The following PARD3 variants were observed in gnomAD, a reference collection of about 807,000 sequenced individuals.
The protein encoded by PARD3 is partitioning defective 3 homolog.
In PARD3, 75 loss-of-function variants were observed where a neutral mutation model predicts 155.4. That is an observed-to-expected ratio of 0.48 (90% CI 0.40 to 0.58). The LOEUF is 0.58. Among genes scored for constraint, PARD3 ranks in the 20% least tolerant of loss-of-function variants. The pLI, the probability that PARD3 is intolerant of heterozygous loss-of-function variation, is 0.00. For missense variants in PARD3, 1,642 were observed against 1,721.7 expected, an observed-to-expected ratio of 0.95 and a Z score of 0.82; for synonymous variants, 576 against 610.5, an observed-to-expected ratio of 0.94 and a Z score of 0.83.
At chr10:34,813,750 A>C (rs1844518696) in intron 1 of PARD3, among the ~76,000 whole-genome samples, 1 of 152,224 alleles carries the variant, frequency 6.6e-6, no homozygotes, top group Non-Finnish European at 1.5e-5. Flanking sequence ...TGACCAAGCC[A>C]CTTTCCAACG....
At chr10:34,706,621 C>T (rs541463349) in intron 1 of PARD3, among the ~76,000 whole-genome samples, 46 of 152,038 alleles carry the variant, frequency 3.0e-4, no homozygotes, top group African/African-American at 9.9e-4. Context: ...CTTAGCTGGA[C>T]GTGGTGGCAG....
At chr10:34,622,827 CTTTTTTTTT>C (rs567045063) in intron 2 of PARD3, among the ~76,000 whole-genome samples, 1 of 113,456 alleles carries the variant, frequency 8.8e-6, no homozygotes, top group Non-Finnish European at 1.9e-5. Context: ...TTCTTTTTTT[CTTTTTTTTT>C]TTTTTTTTTA....
At chr10:34,707,910 T>C (rs1272994219) in intron 1 of PARD3, among the ~76,000 whole-genome samples, 1 of 152,190 alleles carries the variant, frequency 6.6e-6, no homozygotes, top group Non-Finnish European at 1.5e-5. Flanking sequence ...TCCAAGGAGC[T>C]TGTTTTAAAA....
intron 20 of PARD3, among the ~76,000 whole-genome samples, chr10:34,297,839 A>G (rs981034536): frequency 6.6e-6 from 1 of 152,228 alleles, no homozygotes; most frequent in African/African-American, 2.4e-5. Flanking sequence ...TCTCCTTACT[A>G]GTAAAACCCT....
intron 20 of PARD3, among the ~76,000 whole-genome samples, chr10:34,303,622 G>GT (rs372510801): frequency 0.13 from 20,027 of 148,596 alleles, 1,518 homozygotes; most frequent in African/African-American, 0.21. Flanking sequence ...TCGATAAGAT[G>GT]TTTTTTTTTT....
chr10:34,721,920 G>A (rs1390064123), intron 1 of PARD3, among the ~76,000 whole-genome samples: 1 of 152,222 alleles, frequency 6.6e-6, no homozygotes. Flanking sequence ...GCTCACGCCT[G>A]TAATCCTAGA....
chr10:34,145,242 A>T (rs1588923063), intron 22 of PARD3, among the ~76,000 whole-genome samples: 2 of 40,218 alleles, frequency 5.0e-5, no homozygotes, highest in Non-Finnish European at 1.1e-4. Context: ...TTTTTTTTTT[A>T]CAGGATCTTC....
At chr10:34,179,168 G>GCACACACA (rs72378504) in intron 22 of PARD3, among the ~76,000 whole-genome samples, 158 of 94,574 alleles carry the variant, frequency 1.7e-3, no homozygotes, top group African/African-American at 9.7e-3. Context: ...GTGCGTGCGC[G>GCACACACA]CACACACACA....
intron 22 of PARD3, among the ~76,000 whole-genome samples, chr10:34,167,013 TTGTC>T (rs773488859): frequency 1.8e-4 from 27 of 152,090 alleles, no homozygotes; most frequent in Non-Finnish European, 4.0e-4. Context: ...CATGACCAAT[TTGTC>T]TGGGCAGTAA....
chr10:34,657,542 T>C (rs1478762666), intron 2 of PARD3, among the ~76,000 whole-genome samples: 2 of 151,824 alleles, frequency 1.3e-5, no homozygotes, highest in Non-Finnish European at 2.9e-5. Context: ...GTTTGTTTGT[T>C]TGTTTGTTTG....
At chr10:34,473,298 C>T (rs1032701432) in intron 3 of PARD3, among the ~76,000 whole-genome samples, 2 of 152,190 alleles carry the variant, frequency 1.3e-5, no homozygotes, top group African/African-American at 4.8e-5. Context: ...CACGCAATTT[C>T]AGGTGCCACG....
intron 2 of PARD3, among the ~76,000 whole-genome samples, chr10:34,665,906 A>AGAACAGAACAGAACAG (rs1554804216): frequency 4.8e-5 from 7 of 147,096 alleles, no homozygotes; most frequent in Non-Finnish European, 7.5e-5. Context: ...AGAACAGAAC[A>AGAACAGAACAGAACAG]AAAAGAAAAG....
At chr10:34,692,174 G>C (rs149208730) in intron 2 of PARD3, among the ~76,000 whole-genome samples, 2,031 of 150,862 alleles carry the variant, frequency 0.013, 54 homozygotes, top group African/African-American at 0.046. Context: ...AGAGGTTGCA[G>C]TGAGCTGAGA....
Position 34,328,540 on chromosome 10 carries a change from A to G in PARD3, c.2833+2577T>C, listed in dbSNP as rs544731738. ...GGATCCCCATGTACAGAAGTGAGTA[A>G]AACAACTGTGAAGGTGGTGGTGGGG... is the stretch of plus-strand genomic sequence containing the variant. On this transcript the variant is annotated intron_variant, in intron 19 of 24. Coordinates refer to ENST00000374788, the MANE Select transcript of PARD3 (RefSeq NM_001184785.2). 1.4e-4 allele frequency among the ~76,000 whole-genome samples: 21 copies of G among 152,310 alleles called. No homozygotes were observed. In the South Asian group the frequency reaches 4.1e-3, roughly 30 times the overall value.
At chr10:34,400,651 G>A (rs1843782030) in intron 6 of PARD3, among the ~76,000 whole-genome samples, 1 of 152,018 alleles carries the variant, frequency 6.6e-6, no homozygotes, top group South Asian at 2.1e-4. Context: ...TTTCAATTAT[G>A]TTTCTAATAT....
intron 5 of PARD3, among the ~76,000 whole-genome samples, chr10:34,420,645 TTACATATTTTACATG>T (rs1413822846): frequency 6.6e-6 from 1 of 152,196 alleles, no homozygotes; most frequent in Non-Finnish European, 1.5e-5. Flanking sequence ...ATCAACTTTG[TTACATATTTTACATG>T]TACATGTACA....
chr10:34,807,391 A>G (rs1554837608), intron 1 of PARD3, among the ~76,000 whole-genome samples: 1 of 149,602 alleles, frequency 6.7e-6, no homozygotes, highest in Non-Finnish European at 1.5e-5. Flanking sequence ...ATTGACATAT[A>G]ATCACATAAC....
chr10:34,279,707 G>A (rs541363034), intron 21 of PARD3, among the ~76,000 whole-genome samples: 3 of 152,180 alleles, frequency 2.0e-5, no homozygotes, highest in South Asian at 4.2e-4. Flanking sequence ...GAGAGGAAAC[G>A]GCATGCAGAA....
chr10:34,514,599 A>G (rs2133596609), intron 3 of PARD3, among the ~76,000 whole-genome samples: 1 of 152,358 alleles, frequency 6.6e-6, no homozygotes, highest in East Asian at 1.9e-4. Flanking sequence ...TAGCATACCA[A>G]AATGAGAACA....
Sources: gnomAD v4.1 joint callset for allele counts (sites outside exome capture counted in the v4.1 genomes callset) on GRCh38, gnomAD v4.1.1 for gene constraint, MANE v1.5 for transcripts, NCBI Gene and HGNC (gene_info 2026-07-23, HGNC 2026-07-21) for gene names.